The following CABCOCO1 variants were observed in gnomAD, a reference collection of about 807,000 sequenced individuals.
The protein encoded by CABCOCO1 is ciliary associated calcium binding coiled-coil 1.
In CABCOCO1, 28 loss-of-function variants were observed where a neutral mutation model predicts 35.7. The observed-to-expected ratio is 0.78, with a 90% confidence interval of 0.58 to 1.07. The LOEUF is 1.07. Ranked by LOEUF, CABCOCO1 falls within the 50% of genes least tolerant of loss-of-function variation. The pLI, the probability that CABCOCO1 is intolerant of heterozygous loss-of-function variation, is 0.00. For missense variants in CABCOCO1, 326 were observed against 309.2 expected (o/e 1.05, Z -0.41); for synonymous variants, 95 against 100.1 (o/e 0.95, Z 0.30).
At chr10:61,692,633 T>C (rs184188114) in intron 5 of CABCOCO1, among the ~76,000 whole-genome samples, 20 of 152,262 alleles carry the variant, frequency 1.3e-4, no homozygotes, top group African/African-American at 3.8e-4. Flanking sequence ...TATAAATTAC[T>C]TGCTTCATAA....
chr10:61,688,284 A>G (rs1241469735), intron 4 of CABCOCO1, among the ~76,000 whole-genome samples: 1 of 152,206 alleles, frequency 6.6e-6, no homozygotes, highest in African/African-American at 2.4e-5. Flanking sequence ...ATTTAACCCG[A>G]TATTAAGTTT....
intron 5 of CABCOCO1, among the ~76,000 whole-genome samples, chr10:61,756,633 C>A (rs55879042): frequency 0.08 from 12,121 of 152,018 alleles, 625 homozygotes; most frequent in South Asian, 0.13. Context: ...GAAAGTCAAG[C>A]AAAACCAATC....
chr10:61,755,373 A>G (rs1369452712), intron 5 of CABCOCO1, among the ~76,000 whole-genome samples: 1 of 152,150 alleles, frequency 6.6e-6, no homozygotes, highest in African/African-American at 2.4e-5. Context: ...AAGGGGGGGA[A>G]AATAGTTAAA....
At chr10:61,723,679 A>G (rs1224483256) in intron 5 of CABCOCO1, among the ~76,000 whole-genome samples, 1 of 152,174 alleles carries the variant, frequency 6.6e-6, no homozygotes, top group Non-Finnish European at 1.5e-5. Context: ...CTCACAGGGC[A>G]TAGAGGAAGA....
intron 5 of CABCOCO1, among the ~76,000 whole-genome samples, chr10:61,722,077 G>A (rs976356598): frequency 6.6e-5 from 10 of 152,110 alleles, no homozygotes; most frequent in African/African-American, 1.9e-4. Flanking sequence ...GAGTCTCTTT[G>A]TCTACTTGTT....
intron 5 of CABCOCO1, among the ~76,000 whole-genome samples, chr10:61,705,434 T>C (rs1316894391): frequency 6.6e-6 from 1 of 152,226 alleles, no homozygotes; most frequent in Non-Finnish European, 1.5e-5. Context: ...CTCTGGAGAC[T>C]TTCTGTCAGT....
At chr10:61,763,186 C>CA (rs552221982) in intron 7 of CABCOCO1, among the ~76,000 whole-genome samples, 40 of 150,572 alleles carry the variant, frequency 2.7e-4, no homozygotes, top group African/African-American at 6.8e-4. Context: ...ACAATTTTTG[C>CA]AAAAAAAAGG....
At chr10:61,751,735 T>G (rs961705492) in intron 5 of CABCOCO1, among the ~76,000 whole-genome samples, 3 of 152,180 alleles carry the variant, frequency 2.0e-5, no homozygotes, top group African/African-American at 2.4e-5. Context: ...TAACATAAGA[T>G]ACAACATCTG....
chr10:61,714,001 G>A (rs181954859), intron 5 of CABCOCO1, among the ~76,000 whole-genome samples: 1 of 152,272 alleles, frequency 6.6e-6, no homozygotes, highest in Non-Finnish European at 1.5e-5. Flanking sequence ...CCAGGCTTTG[G>A]TATCACGATG....
intron 5 of CABCOCO1, among the ~76,000 whole-genome samples, chr10:61,694,136 G>A (rs535213325): frequency 5.7e-4 from 87 of 151,418 alleles, no homozygotes; most frequent in African/African-American, 1.9e-3. Flanking sequence ...GAGATGGAGC[G>A]ATTATTCTAG....
chr10:61,739,457 C>G (rs142891935), intron 5 of CABCOCO1, among the ~76,000 whole-genome samples: 2 of 152,104 alleles, frequency 1.3e-5, no homozygotes, highest in African/African-American at 4.8e-5. Context: ...TTATAAACAG[C>G]AATTTAGATT....
chr10:61,686,128 A>G lies in CABCOCO1; in HGVS notation c.422A>G (p.Asp141Gly), dbSNP rs1469662570. 1 of 1,603,512 alleles carries G rather than the reference A, an allele frequency of 6.2e-7. No individual in the cohort carries two copies. The highest frequency in any genetic ancestry group is 1.8e-5 in the Admixed American group (1 of 56,888). The change falls in exon 4 of 8, where the codon GAC becomes GGC. Residue 141 changes from aspartate (D) to glycine (G), a missense_variant. By Grantham distance (94) the Asp-to-Gly change is moderately conservative (BLOSUM62 -1). Coordinates refer to ENST00000648843, the MANE Select transcript of CABCOCO1 (RefSeq NM_001366906.2). ...CCAACACATTCGCAAAAGAGTGAGG[A>G]CTGGAATATCTTTGATGTAAAACAA... The part of the protein sequence containing the change: ...IGPTHSQKSE[D>G]WNIFDVKQAN...
chr10:61,673,806 C>T (rs985071050), intron 2 of CABCOCO1, among the ~76,000 whole-genome samples: 2 of 152,142 alleles, frequency 1.3e-5, no homozygotes, highest in African/African-American at 4.8e-5. Flanking sequence ...TTTAAAATTT[C>T]AGAGATTTTT....
chr10:61,680,529 GTTATA>G (rs372569889), intron 2 of CABCOCO1, among the ~76,000 whole-genome samples: 405 of 56,442 alleles, frequency 7.2e-3, no homozygotes, highest in Middle Eastern at 0.015. Context: ...CATATTATAT[GTTATA>G]TTATGTTATA....
intron 1 of CABCOCO1, among the ~76,000 whole-genome samples, chr10:61,663,612 ATCT>A (rs34869955): frequency 0.13 from 19,826 of 151,962 alleles, 1,558 homozygotes; most frequent in East Asian, 0.2. Flanking sequence ...TGGCTGGAAA[ATCT>A]TCTCTGGTTA....
intron 5 of CABCOCO1, among the ~76,000 whole-genome samples, chr10:61,706,572 T>C (rs1466343790): frequency 2.0e-5 from 3 of 152,166 alleles, no homozygotes; most frequent in African/African-American, 7.2e-5. Context: ...TTAAATAACA[T>C]AAACAGTCCT....
chr10:61,667,758 T>A (rs1340575009), intron 1 of CABCOCO1, among the ~76,000 whole-genome samples: 1 of 151,886 alleles, frequency 6.6e-6, no homozygotes, highest in Admixed American at 6.5e-5. Flanking sequence ...AGTAATAACT[T>A]TTTTGTTAGT....
Position 61,689,767 on chromosome 10 carries a change from A to G in CABCOCO1, c.480-782A>G, listed in dbSNP as rs553725984. The stretch of plus-strand genomic sequence containing the variant: ...CTATTAATTTTCTCAACCAGCAGGA[A>G]GAGAACTAGAAAAATTCAAATATTA... On this transcript the variant is annotated intron_variant, in intron 4 of 7. Transcript: ENST00000648843. Among the ~76,000 whole-genome samples, 65 of 152,304 alleles carry G rather than the reference A, an allele frequency of 4.3e-4. 1 individual carries two copies. Among genetic ancestry groups the G allele is most frequent in the African/African-American group, 1.6e-3 (65 of 41,586 alleles).
chr10:61,687,606 C>T (rs923860888), intron 4 of CABCOCO1, among the ~76,000 whole-genome samples: 2 of 152,090 alleles, frequency 1.3e-5, no homozygotes, highest in Non-Finnish European at 2.9e-5. Context: ...GCTCTTTTCC[C>T]CTTCATCTCG....
Sources: gnomAD v4.1 joint callset for allele counts (sites outside exome capture counted in the v4.1 genomes callset) on GRCh38, gnomAD v4.1.1 for gene constraint, MANE v1.5 for transcripts, NCBI Gene and HGNC (gene_info 2026-07-23, HGNC 2026-07-21) for gene names.